Variants in SLC10A2 observed in about 807,000 individuals in gnomAD.
The protein encoded by SLC10A2 is ileal sodium/bile acid cotransporter.
SLC10A2 carries 34 observed loss-of-function variants against 27.1 expected under a neutral mutation model. The observed-to-expected ratio is 1.26, with a 90% CI of 0.96 to 1.67. SLC10A2 has a LOEUF of 1.67. Ranked by LOEUF, SLC10A2 falls within the 40% of genes most tolerant of loss-of-function variation. SLC10A2 has a pLI of 0.00. For missense variants in SLC10A2, 530 were observed against 444.4 expected (o/e 1.19, Z -1.73); for synonymous variants, 205 against 174.0 (o/e 1.18, Z -1.40).
chr13:103,058,523 T>G (rs1876009420), intron 1 of SLC10A2, 141 bp from the exon 2 acceptor site: 1 of 678,212 alleles, frequency 1.5e-6, no homozygotes, highest in African/African-American at 1.8e-5. Flanking sequence ...ACTTGTGTCA[T>G]GGGGGTTTGT....
At position 103,046,065 on chromosome 13, in the gene SLC10A2, C is replaced by T; in HGVS notation, c.*68G>A. The T allele has an allele frequency of 6.3e-7, 1 of 1,581,734 alleles. No individual in the cohort carries two copies. Among genetic ancestry groups the T allele is most frequent in the Non-Finnish European group, 8.7e-7 (1 of 1,152,788 alleles). Reference sequence around the variant, plus strand: ...TTTTCTGCCAACTGTCCTACCAAAACAAATAATTAAATATAGTTACGGTTT... The same window carrying T: ...TTTTCTGCCAACTGTCCTACCAAAATAAATAATTAAATATAGTTACGGTTT... On this transcript the variant is annotated 3_prime_UTR_variant, in exon 6 of 6. Coordinates refer to ENST00000245312, the MANE Select transcript of SLC10A2 (RefSeq NM_000452.3).
intron 1 of SLC10A2, among the ~76,000 whole-genome samples, chr13:103,062,419 T>C (rs756035717): frequency 3.9e-5 from 6 of 152,232 alleles, no homozygotes; most frequent in Non-Finnish European, 7.3e-5. Context: ...AGAGGATTCT[T>C]GGGAGGATGA....
In SLC10A2 at chr13:103,066,229, A is replaced by G. The variant is rs762292444; in HGVS notation, c.21T>C (p.Cys7=). Residue 7 remains cysteine (C), a synonymous_variant, in exon 1 of 6, where the codon TGT becomes TGC. Transcript: ENST00000245312. The part of the protein sequence containing the change: MNDPNS[C]VDNATVCSGA... Reference sequence around the variant, plus strand: ...CAGAGCAAACTGTTGCATTGTCCACACAGCTGTTCGGATCATTCATTGCTG... The same window carrying G: ...CAGAGCAAACTGTTGCATTGTCCACGCAGCTGTTCGGATCATTCATTGCTG... 21 of 1,608,936 alleles carry G rather than the reference A, an allele frequency of 1.3e-5. No homozygotes were observed. In the South Asian group the frequency reaches 2.2e-4, roughly 17 times the overall value.
At chr13:103,054,550 A>G (rs1875884038) in intron 2 of SLC10A2, among the ~76,000 whole-genome samples, 1 of 152,038 alleles carries the variant, frequency 6.6e-6, no homozygotes, top group Non-Finnish European at 1.5e-5. Context: ...TAGTGTGGTT[A>G]GGTTTTGGTC....
rs1443279611 is a variant in SLC10A2, at chr13:103,044,230, T to A, written c.*1903A>T. 6.6e-6 allele frequency: 1 copy of A among 152,192 alleles called. No homozygotes were observed. Among genetic ancestry groups the A allele is most frequent in the African/African-American group, 2.4e-5 (1 of 41,452 alleles). 9.4% of individuals were successfully genotyped at this position (152,192 alleles called of 1,614,324 possible). A position where few individuals can be genotyped will look rare whatever the true frequency, so the allele number is the denominator to read the frequency against. Reference sequence around the variant, plus strand: ...AAAGCCAAGTCCTATCTTGCTCACCTGTCTTGCTCAACAGGGAGGAAAAAC... The same window carrying A: ...AAAGCCAAGTCCTATCTTGCTCACCAGTCTTGCTCAACAGGGAGGAAAAAC... On this transcript the variant is annotated 3_prime_UTR_variant, in exon 6 of 6. Transcript: ENST00000245312.
At chr13:103,060,281 A>G (rs1002505328) in intron 1 of SLC10A2, among the ~76,000 whole-genome samples, 4 of 151,906 alleles carry the variant, frequency 2.6e-5, no homozygotes. Flanking sequence ...TCTCTTTACC[A>G]GTTTCCTTAT....
At chr13:103,062,033 C>T (rs1876138331) in intron 1 of SLC10A2, among the ~76,000 whole-genome samples, 1 of 152,068 alleles carries the variant, frequency 6.6e-6, no homozygotes, top group African/African-American at 2.4e-5. Flanking sequence ...TTAATTTTGA[C>T]TTCAGCTCTA....
In SLC10A2 at chr13:103,049,423, G is replaced by T. The variant is rs72547505; in HGVS notation, c.785C>A (p.Thr262Lys). The part of the protein sequence containing the change: ...WYRCRTVAFE[T>K]GMQNTQLCST... Reference sequence around the variant, plus strand: ...ACATAGCTGCGTGTTCTGCATCCCCGTTTCAAAAGCAACCGTTCGGCACCT... The same window carrying T: ...ACATAGCTGCGTGTTCTGCATCCCCTTTTCAAAAGCAACCGTTCGGCACCT... Residue 262 changes from threonine to lysine, a missense_variant, in exon 5 of 6, where the codon ACG becomes AAG. By Grantham distance (78) the Thr-to-Lys change is moderately conservative. Coordinates refer to ENST00000245312, the MANE Select transcript of SLC10A2 (RefSeq NM_000452.3). 52 of 1,613,788 alleles carry T rather than the reference G, an allele frequency of 3.2e-5. No homozygotes were observed. Among genetic ancestry groups the T allele is most frequent in the Non-Finnish European group, 4.4e-5 (52 of 1,179,908 alleles).
At chr13:103,052,564 C>T (rs1430693531) in intron 3 of SLC10A2, 56 bp downstream of exon 3, 1 of 1,231,538 alleles carries the variant, frequency 8.1e-7, no homozygotes, top group East Asian at 2.3e-5. Flanking sequence ...GATGGAAAAC[C>T]CTATGGTTTT....
At chr13:103,060,739 G>A (rs157382) in intron 1 of SLC10A2, among the ~76,000 whole-genome samples, 4,534 of 152,074 alleles carry the variant, frequency 0.03, 272 homozygotes, top group African/African-American at 0.1. Flanking sequence ...AAATAGAATC[G>A]GGAAACTTAG....
chr13:103,063,588 A>G (rs1876190787), intron 1 of SLC10A2, among the ~76,000 whole-genome samples: 1 of 152,236 alleles, frequency 6.6e-6, no homozygotes, highest in Admixed American at 6.5e-5. Flanking sequence ...CTGTTACGCA[A>G]TAGCTCAGGT....
Position 103,066,070 on chromosome 13 carries a change from C to T in SLC10A2, c.180G>A (p.Gly60=). The T allele has an allele frequency of 8.7e-6, 14 of 1,614,154 alleles. No individual in the cohort carries two copies. The highest frequency in any genetic ancestry group is 1.2e-5 in the Non-Finnish European group (14 of 1,180,014). ...AAATGCCCCACGGCCGCTTTATGTG[C>T]CCTAGAAATTTCTTGATTTCCACGT... The part of the protein sequence containing the change: ...GCNVEIKKFL[G]HIKRPWGICV... Residue 60 remains glycine (G), a synonymous_variant, in exon 1 of 6, where the codon GGG becomes GGA. Transcript: ENST00000245312.
chr13:103,053,889 G>C (rs1201100975), intron 2 of SLC10A2, among the ~76,000 whole-genome samples: 1 of 152,046 alleles, frequency 6.6e-6, no homozygotes, highest in Non-Finnish European at 1.5e-5. Context: ...GAGTAAGGAG[G>C]GAATAATGGA....
At chr13:103,060,138 G>A (rs187194788) in intron 1 of SLC10A2, among the ~76,000 whole-genome samples, 3 of 152,098 alleles carry the variant, frequency 2.0e-5, no homozygotes, top group Admixed American at 6.5e-5. Flanking sequence ...TGAGTCTTCC[G>A]GGTCCTCTTC....
At chr13:103,054,163 A>G (rs767008587) in intron 2 of SLC10A2, among the ~76,000 whole-genome samples, 8 of 152,010 alleles carry the variant, frequency 5.3e-5, no homozygotes, top group Non-Finnish European at 8.8e-5. Context: ...GTGAGTTCTC[A>G]TGTGATCTGG....
chr13:103,049,725 C>T (rs1250476682), intron 4 of SLC10A2, among the ~76,000 whole-genome samples: 1 of 151,980 alleles, frequency 6.6e-6, no homozygotes, highest in Non-Finnish European at 1.5e-5. Context: ...AGGTAAGTGG[C>T]CAAGAGGGTT....
chr13:103,059,493 T>C (rs1354289890), intron 1 of SLC10A2, among the ~76,000 whole-genome samples: 2 of 152,198 alleles, frequency 1.3e-5, no homozygotes, highest in African/African-American at 4.8e-5. Context: ...AATATACATG[T>C]GCCTATGTGC....
At chr13:103,047,993 TG>T (rs1433920283) in intron 5 of SLC10A2, among the ~76,000 whole-genome samples, 1 of 152,132 alleles carries the variant, frequency 6.6e-6, no homozygotes, top group Non-Finnish European at 1.5e-5. Context: ...ATGTTTTCAG[TG>T]GATTCAGAGT....
At chr13:103,050,082 A>G (rs953315076) in intron 4 of SLC10A2, among the ~76,000 whole-genome samples, 12 of 152,168 alleles carry the variant, frequency 7.9e-5, no homozygotes, top group African/African-American at 2.4e-4. Flanking sequence ...CACTTGAGCC[A>G]AGGCTTCAGT....
Sources: gnomAD v4.1 joint callset for allele counts (sites outside exome capture counted in the v4.1 genomes callset) on GRCh38, gnomAD v4.1.1 for gene constraint, MANE v1.5 for transcripts, NCBI Gene and HGNC (gene_info 2026-07-23, HGNC 2026-07-21) for gene names.